PM20D2: variants seen among roughly 807,000 people sequenced by gnomAD.
The protein encoded by PM20D2 is xaa-Arg dipeptidase.
A neutral mutation model predicts 42.9 loss-of-function variants in PM20D2; 33 were observed. The observed-to-expected ratio is 0.77, with a 90% confidence interval of 0.58 to 1.03. The LOEUF is 1.03. Among genes scored for constraint, PM20D2 ranks in the 50% least tolerant of loss-of-function variants. PM20D2 has a pLI of 0.00. For synonymous variants in PM20D2, 250 were observed against 228.2 expected (o/e 1.10, Z -0.86); for missense variants, 548 against 557.0 (o/e 0.98, Z 0.16).
At chr6:89,112,168 G>A in the PM20D2 span, among the ~76,000 whole-genome samples, 6 of 151,824 alleles carry the variant, frequency 4.0e-5, no homozygotes, top group East Asian at 3.9e-4. Flanking sequence ...CGCCCGCCTC[G>A]GCCTCCCAAA....
At chr6:89,132,107 C>G in the PM20D2 span, among the ~76,000 whole-genome samples, 1 of 152,146 alleles carries the variant, frequency 6.6e-6, no homozygotes, top group Non-Finnish European at 1.5e-5. Flanking sequence ...CAACTCAATC[C>G]TGAAGGAGGA....
At position 89,162,223 on chromosome 6, in the gene PM20D2, T is replaced by G. The variant is rs576485891; in HGVS notation, c.1271T>G (p.Leu424Arg). ...GAAGGAATCAGAGAGGACTTTAAACTGAAACTTCAAGAAGAACAGTTTGTA... is the reference window on the plus strand; with the variant it reads ...GAAGGAATCAGAGAGGACTTTAAACGGAAACTTCAAGAAGAACAGTTTGTA... ...LLEGIREDFK[L>R]KLQEEQFVNA... is the part of the protein sequence containing the mutation. Residue 424 changes from leucine (L) to arginine (R), a missense_variant, in exon 7 of 7, where the codon CTG (leucine) becomes CGG (arginine). Around this residue, in one of 3 missense-constraint regions of PM20D2, gnomAD observed 71 missense variants for 69.7 expected, o/e 1.02. Transcript: ENST00000275072. 3.1e-6 allele frequency: 5 copies of G among 1,613,982 alleles called. 1 individual carries two copies. In the Middle Eastern group the frequency reaches 5.0e-4, roughly 160 times the overall value.
chr6:89,110,643 A>C, the PM20D2 span, among the ~76,000 whole-genome samples: 4 of 151,816 alleles, frequency 2.6e-5, no homozygotes, highest in African/African-American at 9.7e-5. Flanking sequence ...TCTCCTTTTG[A>C]TTCAGTTCTA....
At chr6:89,155,414 A>C (rs1771010281) in intron 4 of PM20D2, among the ~76,000 whole-genome samples, 1 of 151,740 alleles carries the variant, frequency 6.6e-6, no homozygotes, top group East Asian at 2.0e-4. Flanking sequence ...CAGCCAGCTG[A>C]GTAGCTGGGA....
chr6:89,107,032 G>A, the PM20D2 span: 1 of 1,033,986 alleles, frequency 9.7e-7, no homozygotes, highest in Non-Finnish European at 1.5e-6. Context: ...GATCTTCTGA[G>A]ATAAAGAAAT....
chr6:89,153,422 CAAAGAT>C (rs1198994664), intron 3 of PM20D2, among the ~76,000 whole-genome samples: 1 of 151,530 alleles, frequency 6.6e-6, no homozygotes. Context: ...CTTTGAGTAT[CAAAGAT>C]AAAGGTTTTA....
the PM20D2 span, among the ~76,000 whole-genome samples, chr6:89,132,303 A>ATGGCTCAC: frequency 6.6e-6 from 1 of 151,526 alleles, no homozygotes; most frequent in African/African-American, 2.4e-5. Flanking sequence ...CCTCCACTCA[A>ATGGCTCAC]ACTTCCTGTG....
chr6:89,148,383 C>G (rs1351989917), intron 1 of PM20D2: 1 of 245,350 alleles, frequency 4.1e-6, no homozygotes, highest in African/African-American at 2.3e-5. Context: ...CAAGACTTTT[C>G]CAGCTTGTTT....
chr6:89,100,003 T>C, the PM20D2 span, among the ~76,000 whole-genome samples: 4 of 152,062 alleles, frequency 2.6e-5, no homozygotes, highest in East Asian at 1.9e-4. Context: ...AACCAGAAAA[T>C]GGCTATTTGA....
chr6:89,105,628 G>C, the PM20D2 span: 1 of 862,824 alleles, frequency 1.2e-6, no homozygotes, highest in South Asian at 2.8e-5. Flanking sequence ...GGAAAATCAA[G>C]TTCAAGTTAT....
chr6:89,131,216 C>A, the PM20D2 span, among the ~76,000 whole-genome samples: 1 of 152,050 alleles, frequency 6.6e-6, no homozygotes, highest in Non-Finnish European at 1.5e-5. Context: ...ACTCATTAAT[C>A]CATGAATGGA....
chr6:89,131,459 G>T, the PM20D2 span, among the ~76,000 whole-genome samples: 1 of 151,528 alleles, frequency 6.6e-6, no homozygotes, highest in Non-Finnish European at 1.5e-5. Context: ...AGACTGAGGC[G>T]GGAAGATAAT....
At chr6:89,129,875 G>A in the PM20D2 span, among the ~76,000 whole-genome samples, 1 of 151,974 alleles carries the variant, frequency 6.6e-6, no homozygotes. Flanking sequence ...CTACAGGTGT[G>A]TGCCACCATG....
the PM20D2 span, among the ~76,000 whole-genome samples, chr6:89,103,015 T>C: frequency 6.6e-6 from 1 of 152,098 alleles, no homozygotes; most frequent in Admixed American, 6.5e-5. Flanking sequence ...GATCTCACCC[T>C]GGCCTCCCAG....
the PM20D2 span, among the ~76,000 whole-genome samples, chr6:89,112,941 C>T: frequency 7.2e-5 from 11 of 152,096 alleles, no homozygotes; most frequent in South Asian, 2.1e-4. Flanking sequence ...AAATTGCCTG[C>T]GGTATTCAGT....
At position 89,146,594 on chromosome 6, in the gene PM20D2, G is replaced by A. The variant is rs576493894; in HGVS notation, c.450G>A (p.Pro150=). Residue 150 remains proline, a synonymous_variant, in exon 1 of 7, where the codon CCG becomes CCA. Coordinates refer to ENST00000275072, the MANE Select transcript of PM20D2 (RefSeq NM_001010853.3). ...VRGALEGLPR[P]PPPVKVVVLG... is the part of the protein sequence containing the mutation. The stretch of plus-strand genomic sequence containing the variant: ...GGGCCTTAGAGGGCCTCCCCAGGCC[G>A]CCTCCGCCCGTGAAGGTGAGGTGGG... 2.1e-6 allele frequency: 3 copies of A among 1,450,182 alleles called. No individual in the cohort carries two copies. In the South Asian group the frequency reaches 4.1e-5, roughly 20 times the overall value. 89.8% of individuals were successfully genotyped at this position (1,450,182 alleles called of 1,614,324 possible). A position where few individuals can be genotyped will look rare whatever the true frequency, so the allele number is the denominator to read the frequency against.
chr6:89,158,556 G>GTA, intron 5 of PM20D2, 96 bp downstream of exon 5: 2 of 1,388,858 alleles, frequency 1.4e-6, no homozygotes, highest in Non-Finnish European at 2.0e-6. Context: ...GAGGTCGGGA[G>GTA]GTACTACTGA....
the PM20D2 span, among the ~76,000 whole-genome samples, chr6:89,129,247 T>G: frequency 6.6e-6 from 1 of 151,746 alleles, no homozygotes; most frequent in Non-Finnish European, 1.5e-5. Context: ...GGGGATGGGA[T>G]CATGTCCAAT....
the PM20D2 span, among the ~76,000 whole-genome samples, chr6:89,118,777 C>T: frequency 6.6e-6 from 1 of 152,220 alleles, no homozygotes; most frequent in African/African-American, 2.4e-5. Flanking sequence ...GCCCCGCCCT[C>T]TGAGCTTACA....
Sources: gnomAD v4.1 joint callset for allele counts (sites outside exome capture counted in the v4.1 genomes callset) on GRCh38, gnomAD v4.1.1 for gene constraint, gnomAD v4.1.1 regional missense constraint, MANE v1.5 for transcripts, NCBI Gene and HGNC (gene_info 2026-07-23, HGNC 2026-07-21) for gene names.